The following SRL variants were observed in gnomAD, a reference collection of about 807,000 sequenced individuals.
The protein encoded by SRL is sarcalumenin.
Under a neutral mutation model 39.5 loss-of-function variants are expected in SRL, and 23 were observed. That is an observed-to-expected ratio of 0.58 (90% CI 0.42 to 0.82). The LOEUF is 0.82. SRL is among the 40% of genes least tolerant of loss of function. The pLI is 0.00. For synonymous variants in SRL, 272 were observed against 237.4 expected (o/e 1.15, Z -1.34); for missense variants, 592 against 607.8 (o/e 0.97, Z 0.27).
At chr16:4,198,054 A>T in intron 3 of SRL, 139 bp from the exon 4 acceptor site, 1 of 652,804 alleles carries the variant, frequency 1.5e-6, no homozygotes, top group Admixed American at 2.5e-5. Context: ...TGTAGCCCCC[A>T]GTGGCGCTTC....
At chr16:4,234,262 G>C (rs1339929710) in intron 1 of SRL, among the ~76,000 whole-genome samples, 1 of 152,138 alleles carries the variant, frequency 6.6e-6, no homozygotes, top group Non-Finnish European at 1.5e-5. Context: ...CCAAAGTGCC[G>C]GGATTACAGG....
At chr16:4,235,890 C>G (rs545892342) in intron 1 of SRL, among the ~76,000 whole-genome samples, 2 of 152,120 alleles carry the variant, frequency 1.3e-5, no homozygotes, top group East Asian at 3.9e-4. Flanking sequence ...AGATCGAAAC[C>G]AGCCTGACCA....
At chr16:4,204,486 G>A in intron 2 of SRL, 47 bp downstream of exon 2, 1 of 1,437,988 alleles carries the variant, frequency 7.0e-7, no homozygotes, top group Non-Finnish European at 9.3e-7. Context: ...CCGGGCCCTG[G>A]TGGCCGGGCT....
chr16:4,193,646 G>C (rs1040338957), intron 5 of SRL, among the ~76,000 whole-genome samples: 3 of 152,126 alleles, frequency 2.0e-5, no homozygotes, highest in African/African-American at 7.2e-5. Context: ...CTGATATAAA[G>C]ATTACCATGT....
chr16:4,209,132 G>A (rs1317938418), intron 1 of SRL, among the ~76,000 whole-genome samples: 1 of 151,984 alleles, frequency 6.6e-6, no homozygotes, highest in Admixed American at 6.6e-5. Flanking sequence ...AAATTAGCTG[G>A]GTGTGGTGAC....
intron 1 of SRL, among the ~76,000 whole-genome samples, chr16:4,240,608 CACG>C (rs1285627720): frequency 6.6e-6 from 1 of 152,096 alleles, no homozygotes; most frequent in Non-Finnish European, 1.5e-5. Context: ...GTCCTTTCCC[CACG>C]ACAAGAGCCC....
chr16:4,208,755 G>GC (rs151302296), intron 1 of SRL, among the ~76,000 whole-genome samples: 3,924 of 152,124 alleles, frequency 0.026, 160 homozygotes, highest in African/African-American at 0.086. Flanking sequence ...GCATTTGCTG[G>GC]CCCCCCTACC....
intron 1 of SRL, among the ~76,000 whole-genome samples, chr16:4,231,931 G>A (rs1270641668): frequency 6.6e-6 from 1 of 152,234 alleles, no homozygotes; most frequent in East Asian, 1.9e-4. Flanking sequence ...ACAGCCCCAT[G>A]CTGGAAATAG....
rs368799271 is a variant in SRL at position 4,193,072 on chromosome 16, A to G, written c.611-108T>C. On this transcript the variant is annotated intron_variant, in intron 5 of 5. Coordinates refer to ENST00000399609, the MANE Select transcript of SRL (RefSeq NM_001098814.2). ...GGGGGTTGAAAGAAGGAACAGCGCT[A>G]CGGATTTTCTGGGTTTCTACAGACT... 30 of 979,948 alleles carry G rather than the reference A, an allele frequency of 3.1e-5. No individual in the cohort carries two copies. In the African/African-American group the frequency reaches 4.6e-4, roughly 15 times the overall value. The allele number at this position is 979,948 out of a possible 1,614,324, so 60.7% of individuals were successfully genotyped here. A position where few individuals can be genotyped will look rare whatever the true frequency, so the allele number is the denominator to read the frequency against.
intron 1 of SRL, among the ~76,000 whole-genome samples, chr16:4,230,636 C>T (rs2052650906): frequency 6.6e-6 from 1 of 151,962 alleles, no homozygotes; most frequent in South Asian, 2.1e-4. Context: ...ATCCGCACCC[C>T]CTTGGCCTCC....
intron 3 of SRL, among the ~76,000 whole-genome samples, chr16:4,198,157 G>A (rs996575151): frequency 5.3e-5 from 8 of 152,210 alleles, no homozygotes; most frequent in Non-Finnish European, 1.0e-4. Context: ...CCCACCACAA[G>A]AAGGATCTCA....
intron 1 of SRL, among the ~76,000 whole-genome samples, chr16:4,211,149 C>T (rs865975844): frequency 3.4e-5 from 5 of 149,248 alleles, no homozygotes; most frequent in Non-Finnish European, 7.4e-5. Context: ...GGGTATAGCA[C>T]CAGCATCATG....
At chr16:4,230,431 A>ACT (rs2052646423) in intron 1 of SRL, among the ~76,000 whole-genome samples, 1 of 144,820 alleles carries the variant, frequency 6.9e-6, no homozygotes, top group African/African-American at 2.6e-5. Flanking sequence ...CCCAGGCTGG[A>ACT]GTATGGTGGT....
intron 3 of SRL, among the ~76,000 whole-genome samples, chr16:4,200,897 A>T (rs893496337): frequency 6.6e-6 from 1 of 152,188 alleles, no homozygotes; most frequent in Non-Finnish European, 1.5e-5. Flanking sequence ...ATCAAATGAG[A>T]TCATATAGAA....
rs1469047653 is a variant in SRL at position 4,219,238 on chromosome 16, C to T, written c.62-14604G>A. On this transcript the variant is annotated intron_variant, in intron 1 of 5. Coordinates refer to ENST00000399609, the MANE Select transcript of SRL (RefSeq NM_001098814.2). ...GAACTAGAGACAAGGTCTCCTGACC[C>T]CGCAGCCGTAGTCTTCCCATAGGGG... 3.3e-5 allele frequency among the ~76,000 whole-genome samples: 5 copies of T among 152,366 alleles called. No homozygotes were observed. In the East Asian group the frequency reaches 7.7e-4, roughly 23 times the overall value.
At chr16:4,198,001 G>T in intron 3 of SRL, 86 bp from the exon 4 acceptor site, 1 of 896,158 alleles carries the variant, frequency 1.1e-6, no homozygotes, top group South Asian at 1.3e-5. Context: ...GCATCTCACC[G>T]TCCATCCAAC....
intron 5 of SRL, among the ~76,000 whole-genome samples, chr16:4,193,853 G>A (rs1433343072): frequency 6.7e-6 from 1 of 150,266 alleles, no homozygotes; most frequent in African/African-American, 2.4e-5. Flanking sequence ...TGTAGTAGGG[G>A]TACAATTTAC....
chr16:4,207,893 G>A (rs1270453314), intron 1 of SRL: 4 of 456,600 alleles, frequency 8.8e-6, no homozygotes. Flanking sequence ...CTTCAGGATC[G>A]GGGCCCGCGC....
intron 1 of SRL, among the ~76,000 whole-genome samples, chr16:4,214,686 C>T (rs560800907): frequency 6.6e-6 from 1 of 152,276 alleles, no homozygotes; most frequent in South Asian, 2.1e-4. Flanking sequence ...AAACGTGGGC[C>T]AGCAGCCTCT....
Sources: allele counts gnomAD v4.1 joint callset (sites outside exome capture counted in the v4.1 genomes callset), GRCh38; gene constraint gnomAD v4.1.1; transcripts MANE v1.5; gene names NCBI Gene and HGNC (gene_info 2026-07-23, HGNC 2026-07-21).